Variants in FRMPD4 observed in about 807,000 individuals in gnomAD.
FRMPD4 encodes the protein FERM and PDZ domain containing 4.
A neutral mutation model predicts 94.1 loss-of-function variants in FRMPD4; 22 were observed. The observed-to-expected ratio is 0.23, with a 90% CI of 0.17 to 0.33. FRMPD4 has a LOEUF of 0.33. Among genes scored for constraint, FRMPD4 ranks in the 10% least tolerant of loss-of-function variants. The pLI, the probability that FRMPD4 is intolerant of heterozygous loss-of-function variation, is 1.00. For synonymous variants in FRMPD4, 631 were observed against 548.6 expected (o/e 1.15, Z -2.10); for missense variants, 1,111 against 1,339.9 (o/e 0.83, Z 2.67).
At chrX:12,135,578 G>A (rs2055589322), upstream of FRMPD4, among the ~76,000 whole-genome samples, 1 of 107,026 alleles carries the variant, frequency 9.3e-6, no homozygotes, top group African/African-American at 3.4e-5. Flanking sequence ...CATTTCCCTT[G>A]GTAGCTATTA....
intron 1 of FRMPD4, among the ~76,000 whole-genome samples, chrX:12,164,249 A>G (rs1480490338): frequency 9.1e-6 from 1 of 109,583 alleles, no homozygotes; most frequent in South Asian, 3.9e-4. Context: ...TCCTGTGTCC[A>G]TGTGTTCTCA....
At chrX:12,630,842 T>TA (rs1440925406) in intron 4 of FRMPD4, among the ~76,000 whole-genome samples, 1 of 111,925 alleles carries the variant, frequency 8.9e-6, no homozygotes, top group Non-Finnish European at 1.9e-5. Flanking sequence ...CTCTATCTTG[T>TA]AAAAAACCCA....
At chrX:12,658,121 A>C (rs1256342087) in intron 4 of FRMPD4, among the ~76,000 whole-genome samples, 2 of 111,939 alleles carry the variant, frequency 1.8e-5, no homozygotes, top group Admixed American at 9.5e-5. Flanking sequence ...CAAACCCCAC[A>C]GTCAAATTCA....
intron 3 of FRMPD4, among the ~76,000 whole-genome samples, chrX:12,064,825 G>C (rs1446031280): frequency 8.9e-6 from 1 of 111,938 alleles, no homozygotes; most frequent in African/African-American, 3.2e-5. Flanking sequence ...AATTGAAAAT[G>C]TTCATTTCAG....
At chrX:12,300,992 G>A (rs1426738787) in intron 1 of FRMPD4, among the ~76,000 whole-genome samples, 1 of 112,029 alleles carries the variant, frequency 8.9e-6, no homozygotes, top group Admixed American at 9.4e-5. Flanking sequence ...CCCTTCTTCT[G>A]TATTTCACCA....
At chrX:12,286,262 GT>G (rs959735668) in intron 1 of FRMPD4, among the ~76,000 whole-genome samples, 73 of 104,360 alleles carry the variant, frequency 7.0e-4, no homozygotes, top group South Asian at 1.2e-3. Context: ...GAAGAATCCT[GT>G]TTTTTTTTTC....
chrX:11,900,919 G>T (rs144416119), intron 3 of FRMPD4, among the ~76,000 whole-genome samples: 1,228 of 111,073 alleles, frequency 0.011, 13 homozygotes, highest in African/African-American at 0.038. Context: ...CGCAGAAAGA[G>T]GGTGCTTCCT....
chrX:11,947,362 G>C (rs1440934771), intron 3 of FRMPD4, among the ~76,000 whole-genome samples: 2 of 112,281 alleles, frequency 1.8e-5, no homozygotes, highest in Non-Finnish European at 3.8e-5. Flanking sequence ...TTCCTGAAAA[G>C]AGTTAACTAG....
chrX:12,458,735 G>C (rs927012806), intron 1 of FRMPD4, among the ~76,000 whole-genome samples: 2 of 111,708 alleles, frequency 1.8e-5, no homozygotes, highest in Non-Finnish European at 3.8e-5. Context: ...AAGGGAAACA[G>C]TCTCCACGAC....
intron 1 of FRMPD4, among the ~76,000 whole-genome samples, chrX:12,161,271 G>A (rs1270135581): frequency 9.0e-6 from 1 of 110,826 alleles, no homozygotes; most frequent in East Asian, 2.8e-4. Flanking sequence ...CCATTCTCCC[G>A]CCTCAGCCTT....
intron 1 of FRMPD4, among the ~76,000 whole-genome samples, chrX:12,195,413 G>T (rs376931948): frequency 2.7e-5 from 3 of 111,868 alleles, no homozygotes; most frequent in African/African-American, 9.8e-5. Flanking sequence ...AAAAAGATAC[G>T]GACCAAGTCT....
chrX:12,335,549 TC>T (rs1443859160), intron 1 of FRMPD4, among the ~76,000 whole-genome samples: 1 of 111,565 alleles, frequency 9.0e-6, no homozygotes, highest in Non-Finnish European at 1.9e-5. Flanking sequence ...TAAGCCTCCT[TC>T]CCCTTGGACT....
At chrX:12,375,437 C>T (rs1410846679) in intron 1 of FRMPD4, among the ~76,000 whole-genome samples, 1 of 111,944 alleles carries the variant, frequency 8.9e-6, no homozygotes, top group African/African-American at 3.3e-5. Flanking sequence ...GAATTCAGTT[C>T]CTTGCAGTTG....
intron 4 of FRMPD4, among the ~76,000 whole-genome samples, chrX:12,626,919 G>A (rs2059352210): frequency 9.1e-6 from 1 of 110,435 alleles, no homozygotes; most frequent in Admixed American, 9.7e-5. Flanking sequence ...GAGTATATTA[G>A]AAAGGTCATC....
intron 1 of FRMPD4, among the ~76,000 whole-genome samples, chrX:12,263,797 A>T (rs1357123824): frequency 2.7e-5 from 3 of 111,038 alleles, no homozygotes; most frequent in African/African-American, 9.9e-5. Context: ...TTGAAAAAAA[A>T]AAAAATTTTT....
At chrX:11,913,814 A>G (rs1046786832) in intron 3 of FRMPD4, among the ~76,000 whole-genome samples, 1 of 112,384 alleles carries the variant, frequency 8.9e-6, no homozygotes, top group Non-Finnish European at 1.9e-5. Flanking sequence ...TGTAGCTATG[A>G]AATCAAACTA....
At chrX:12,434,376 G>A (rs2057041652) in intron 1 of FRMPD4, among the ~76,000 whole-genome samples, 1 of 111,804 alleles carries the variant, frequency 8.9e-6, no homozygotes, top group Non-Finnish European at 1.9e-5. Context: ...GATTTTTACT[G>A]TTTCCCTGTG....
chrX:12,076,328 G>A (rs1056712253), intron 3 of FRMPD4, among the ~76,000 whole-genome samples: 4 of 67,324 alleles, frequency 5.9e-5, no homozygotes, highest in East Asian at 1.1e-3. Flanking sequence ...CTAGCAAAAC[G>A]TGTGTGTGTG....
intron 2 of FRMPD4, among the ~76,000 whole-genome samples, chrX:12,512,110 TCAGA>T (rs1249915751): frequency 8.9e-6 from 1 of 112,529 alleles, no homozygotes; most frequent in Non-Finnish European, 1.9e-5. Context: ...TGCTGAAGGC[TCAGA>T]CAATTGTTGC....
Sources: allele counts gnomAD v4.1 joint callset (sites outside exome capture counted in the v4.1 genomes callset), GRCh38; gene constraint gnomAD v4.1.1; transcripts MANE v1.5; gene names NCBI Gene and HGNC (gene_info 2026-07-23, HGNC 2026-07-21).